The following ADAMTSL1 variants were observed in gnomAD, a reference collection of about 807,000 sequenced individuals.
ADAMTSL1 encodes ADAMTS-like protein 1.
In ADAMTSL1, 126 loss-of-function variants were observed where a neutral mutation model predicts 201.8. That is an observed-to-expected ratio of 0.62 (90% CI 0.54 to 0.72). The LOEUF (loss-of-function observed/expected upper bound fraction) is 0.72. Ranked by LOEUF, ADAMTSL1 falls within the 30% of genes least tolerant of loss-of-function variation. The pLI, the probability that ADAMTSL1 is intolerant of heterozygous loss-of-function variation, is 0.00. For synonymous variants in ADAMTSL1, 1,121 were observed against 903.4 expected, an observed-to-expected ratio of 1.24 and a Z score of -4.32; for missense variants, 2,679 against 2,277.8, an observed-to-expected ratio of 1.18 and a Z score of -3.59.
intron 1 of ADAMTSL1, among the ~76,000 whole-genome samples, chr9:18,152,534 A>G (rs1327397107): frequency 6.6e-6 from 1 of 152,048 alleles, no homozygotes; most frequent in East Asian, 1.9e-4. Flanking sequence ...GGGATCATCT[A>G]TGGTTAGTTT....
chr9:18,553,707 G>A (rs1257521252), intron 3 of ADAMTSL1, among the ~76,000 whole-genome samples: 2 of 151,900 alleles, frequency 1.3e-5, no homozygotes, highest in South Asian at 2.1e-4. Flanking sequence ...TTAACTCTAC[G>A]TTGACAGTTA....
chr9:18,424,634 G>T (rs1201447710), intron 2 of ADAMTSL1, among the ~76,000 whole-genome samples: 1 of 152,104 alleles, frequency 6.6e-6, no homozygotes, highest in Non-Finnish European at 1.5e-5. Context: ...TGCCCATATT[G>T]TCCTGTTTAT....
At chr9:18,733,495 A>G (rs1818328886) in intron 15 of ADAMTSL1, among the ~76,000 whole-genome samples, 1 of 152,182 alleles carries the variant, frequency 6.6e-6, no homozygotes. Flanking sequence ...AAAAAAATAG[A>G]AAGAAATACT....
At chr9:18,683,794 ATCAAGTC>A (rs1489718427) in intron 12 of ADAMTSL1, among the ~76,000 whole-genome samples, 3 of 152,200 alleles carry the variant, frequency 2.0e-5, no homozygotes, top group Admixed American at 6.5e-5. Context: ...ACTATCAAGA[ATCAAGTC>A]TGGATTTTCA....
intron 23 of ADAMTSL1, among the ~76,000 whole-genome samples, chr9:18,872,360 G>A (rs535193829): frequency 2.0e-5 from 3 of 152,152 alleles, no homozygotes; most frequent in African/African-American, 4.8e-5. Context: ...AGTAGGTTTG[G>A]GGGGAACAGG....
chr9:18,243,183 T>C (rs866638801), intron 2 of ADAMTSL1, among the ~76,000 whole-genome samples: 2 of 152,276 alleles, frequency 1.3e-5, no homozygotes, highest in African/African-American at 4.8e-5. Flanking sequence ...TTCATACTTA[T>C]ATGGTCAACT....
At chr9:18,851,150 G>A (rs1342235454) in intron 23 of ADAMTSL1, among the ~76,000 whole-genome samples, 1 of 151,944 alleles carries the variant, frequency 6.6e-6, no homozygotes, top group African/African-American at 2.4e-5. Flanking sequence ...CAGGAGACAG[G>A]TGCCATATGG....
intron 2 of ADAMTSL1, among the ~76,000 whole-genome samples, chr9:18,273,697 C>G (rs369911980): frequency 6.6e-6 from 1 of 152,126 alleles, no homozygotes; most frequent in Non-Finnish European, 1.5e-5. Context: ...GCCTAAAAGC[C>G]AAATTCAGAT....
At chr9:18,876,489 A>ACTAT (rs1354952735) in intron 23 of ADAMTSL1, among the ~76,000 whole-genome samples, 3 of 152,154 alleles carry the variant, frequency 2.0e-5, no homozygotes, top group African/African-American at 7.2e-5. Flanking sequence ...TCTGAAAAAG[A>ACTAT]CTATCTTTCC....
At chr9:18,158,120 A>C (rs116350735) in intron 1 of ADAMTSL1, among the ~76,000 whole-genome samples, 1 of 151,962 alleles carries the variant, frequency 6.6e-6, no homozygotes, top group Non-Finnish European at 1.5e-5. Flanking sequence ...TGGCCAGTTC[A>C]TTGCAGAGCT....
intron 26 of ADAMTSL1, among the ~76,000 whole-genome samples, chr9:18,903,851 G>GAA (rs565276186): frequency 7.4e-6 from 1 of 134,516 alleles, no homozygotes. Flanking sequence ...ACCTTTGGTT[G>GAA]AAAAAAAAAA....
At chr9:18,795,652 T>C in intron 20 of ADAMTSL1, 128 bp downstream of exon 20, 1 of 1,043,798 alleles carries the variant, frequency 9.6e-7, no homozygotes, top group Non-Finnish European at 1.4e-6. Context: ...GAGTTTGTAA[T>C]CTATAATTAC....
At chr9:18,402,649 G>A (rs2133272778) in intron 2 of ADAMTSL1, among the ~76,000 whole-genome samples, 1 of 152,126 alleles carries the variant, frequency 6.6e-6, no homozygotes, top group South Asian at 2.1e-4. Context: ...ACACCTTTCA[G>A]TACATTAAAC....
Position 18,288,753 on chromosome 9 carries a change from C to T in ADAMTSL1, c.207+124772C>T, listed in dbSNP as rs140800834. On this transcript the variant is annotated intron_variant, in intron 2 of 29. Transcript: ENST00000680146. ...AAGGATTCACAAAAATGAGAAATAC[C>T]CTCAGGTCTCTTCAGCCTGATGGCT... Among the ~76,000 whole-genome samples, 68 of 152,250 alleles carry T rather than the reference C, an allele frequency of 4.5e-4. No individual in the cohort carries two copies. In the East Asian group the frequency reaches 0.013, roughly 29 times the overall value.
intron 4 of ADAMTSL1, among the ~76,000 whole-genome samples, chr9:18,581,885 A>G (rs1823120060): frequency 6.6e-6 from 1 of 152,308 alleles, no homozygotes; most frequent in African/African-American, 2.4e-5. Flanking sequence ...AAGGAGGTAG[A>G]GTCAGCCCAG....
intron 1 of ADAMTSL1, among the ~76,000 whole-genome samples, chr9:17,955,046 A>G (rs564971227): frequency 7.2e-5 from 11 of 152,306 alleles, no homozygotes; most frequent in African/African-American, 2.4e-4. Context: ...AGAATGAGGT[A>G]AATGTACACA....
At position 18,379,144 on chromosome 9, in the gene ADAMTSL1, T is replaced by C. The variant is rs768160032; in HGVS notation, c.208-125685T>C. ...GCTAGAAGGTGTTAAACAAAAATTA[T>C]AGGAGGCCATCGTTTTGGACAAAGC... is the stretch of plus-strand genomic sequence containing the variant. On this transcript the variant is annotated intron_variant, in intron 2 of 29. Transcript: ENST00000680146. 4.2e-4 allele frequency among the ~76,000 whole-genome samples: 64 copies of C among 152,190 alleles called. 1 individual carries two copies. Among genetic ancestry groups the C allele is most frequent in the Admixed American group, 4.0e-3 (61 of 15,278 alleles).
chr9:18,660,497 C>T (rs1187443197), intron 8 of ADAMTSL1, among the ~76,000 whole-genome samples: 3 of 152,146 alleles, frequency 2.0e-5, no homozygotes, highest in African/African-American at 7.2e-5. Context: ...TTTAGGCTGA[C>T]AAATTTTGAT....
At chr9:18,809,752 G>A (rs575029873) in intron 20 of ADAMTSL1, among the ~76,000 whole-genome samples, 2 of 152,184 alleles carry the variant, frequency 1.3e-5, no homozygotes, top group Admixed American at 6.5e-5. Context: ...TCCCCCCATT[G>A]CACTCCAGCC....
Sources: gnomAD v4.1 joint callset for allele counts (sites outside exome capture counted in the v4.1 genomes callset) on GRCh38, gnomAD v4.1.1 for gene constraint, MANE v1.5 for transcripts, NCBI Gene and HGNC (gene_info 2026-07-23, HGNC 2026-07-21) for gene names.